The following ARHGAP15 variants were observed in gnomAD, a reference collection of about 807,000 sequenced individuals.
The protein encoded by ARHGAP15 is rho GTPase-activating protein 15.
In ARHGAP15, 51 loss-of-function variants were observed where a neutral mutation model predicts 63.7. That is an observed-to-expected ratio of 0.80 (90% CI 0.64 to 1.01). ARHGAP15 has a LOEUF of 1.01. Ranked by LOEUF, ARHGAP15 falls within the 50% of genes least tolerant of loss-of-function variation. ARHGAP15 has a pLI of 0.00. For missense variants in ARHGAP15, 560 were observed against 564.6 expected (o/e 0.99, Z 0.08); for synonymous variants, 191 against 193.8 (o/e 0.99, Z 0.12).
chr2:143,281,604 T>C (rs1051200807), intron 6 of ARHGAP15, among the ~76,000 whole-genome samples: 2 of 152,106 alleles, frequency 1.3e-5, no homozygotes, highest in Non-Finnish European at 2.9e-5. Context: ...AAGAACCCAA[T>C]CTCTCAGATG....
chr2:143,709,169 T>C (rs1016661013), intron 13 of ARHGAP15, among the ~76,000 whole-genome samples: 2 of 152,182 alleles, frequency 1.3e-5, no homozygotes, highest in African/African-American at 4.8e-5. Context: ...ATAAATAAAG[T>C]CTTTCCACAG....
At chr2:143,721,430 C>G (rs531971257) in intron 13 of ARHGAP15, among the ~76,000 whole-genome samples, 1 of 152,236 alleles carries the variant, frequency 6.6e-6, no homozygotes, top group South Asian at 2.1e-4. Context: ...AGAACATGGT[C>G]TCTGAATGTG....
At chr2:143,258,501 T>G (rs111999371) in intron 6 of ARHGAP15, among the ~76,000 whole-genome samples, 21 of 152,204 alleles carry the variant, frequency 1.4e-4, no homozygotes, top group African/African-American at 4.6e-4. Flanking sequence ...AGTCTCTCAA[T>G]GTAAGAGTTA....
At chr2:143,526,991 G>A (rs1376219766) in intron 10 of ARHGAP15, among the ~76,000 whole-genome samples, 2 of 151,882 alleles carry the variant, frequency 1.3e-5, no homozygotes, top group African/African-American at 2.4e-5. Flanking sequence ...ATTTCCCTAG[G>A]GTTTAAAAAT....
At chr2:143,484,347 CAGAG>C (rs942912223) in intron 8 of ARHGAP15, among the ~76,000 whole-genome samples, 3 of 130,682 alleles carry the variant, frequency 2.3e-5, no homozygotes, top group Non-Finnish European at 4.7e-5. Flanking sequence ...GCGTGGGCAA[CAGAG>C]AGAGACTCCA....
intron 6 of ARHGAP15, among the ~76,000 whole-genome samples, chr2:143,414,394 T>C (rs546172471): frequency 6.6e-6 from 1 of 152,130 alleles, no homozygotes; most frequent in African/African-American, 2.4e-5. Context: ...AGAAATGTCT[T>C]ACAAAAAGTA....
At chr2:143,323,490 G>A (rs1036367760) in intron 6 of ARHGAP15, among the ~76,000 whole-genome samples, 8 of 152,090 alleles carry the variant, frequency 5.3e-5, no homozygotes, top group South Asian at 2.1e-4. Context: ...TAAACACTTC[G>A]GACAGGGATG....
chr2:143,330,750 G>T (rs1333559803), intron 6 of ARHGAP15, among the ~76,000 whole-genome samples: 1 of 152,134 alleles, frequency 6.6e-6, no homozygotes, highest in Admixed American at 6.5e-5. Flanking sequence ...ATATACACAG[G>T]ATGAGTTGTA....
chr2:143,604,375 G>A lies in ARHGAP15; in HGVS notation c.1004-19758G>A, dbSNP rs375741683. ...TTTGTGTGTGTGCACTGTTCTTCAC[G>A]CATCTGAAGCAGAGGAGTCGTCACA... On this transcript the variant is annotated intron_variant, in intron 11 of 13. Transcript: ENST00000295095. Among the ~76,000 whole-genome samples the A allele has an allele frequency of 2.2e-4, 33 of 152,292 alleles. No homozygotes were observed. In the East Asian group the frequency reaches 4.6e-3, roughly 21 times the overall value.
At chr2:143,367,626 A>G (rs1268793606) in intron 6 of ARHGAP15, among the ~76,000 whole-genome samples, 1 of 151,794 alleles carries the variant, frequency 6.6e-6, no homozygotes, top group African/African-American at 2.4e-5. Flanking sequence ...TTTTCTTTAT[A>G]TATTTCTTCT....
At chr2:143,659,415 TA>T (rs948884547) in intron 12 of ARHGAP15, among the ~76,000 whole-genome samples, 1 of 151,948 alleles carries the variant, frequency 6.6e-6, no homozygotes, top group Non-Finnish European at 1.5e-5. Context: ...TAAATTTTTT[TA>T]AAAAAAATTC....
chr2:143,407,993 A>ATATG (rs1688278313), intron 6 of ARHGAP15, among the ~76,000 whole-genome samples: 1 of 56,620 alleles, frequency 1.8e-5, no homozygotes, highest in African/African-American at 9.1e-5. Context: ...GTGTGTATAT[A>ATATG]TATATATATA....
intron 8 of ARHGAP15, among the ~76,000 whole-genome samples, chr2:143,442,009 C>T (rs1188301496): frequency 6.6e-6 from 1 of 151,850 alleles, no homozygotes; most frequent in East Asian, 1.9e-4. Context: ...AATAAGACAA[C>T]AGAAAGAAAA....
chr2:143,171,149 T>C (rs1690764913), intron 2 of ARHGAP15, among the ~76,000 whole-genome samples: 1 of 152,090 alleles, frequency 6.6e-6, no homozygotes, highest in Admixed American at 6.6e-5. Flanking sequence ...AGAAAAATAA[T>C]AGTTCAGCTA....
chr2:143,552,726 T>A (rs1279897810), intron 10 of ARHGAP15, among the ~76,000 whole-genome samples: 1 of 152,236 alleles, frequency 6.6e-6, no homozygotes, highest in East Asian at 1.9e-4. Flanking sequence ...TTTTTCATAC[T>A]ACCATTAATG....
chr2:143,537,123 G>A (rs1694808488), intron 10 of ARHGAP15, among the ~76,000 whole-genome samples: 1 of 152,160 alleles, frequency 6.6e-6, no homozygotes, highest in African/African-American at 2.4e-5. Flanking sequence ...TCTGATGGCT[G>A]GCCAGTGATG....
At chr2:143,720,756 C>T (rs768392525) in intron 13 of ARHGAP15, among the ~76,000 whole-genome samples, 26 of 152,158 alleles carry the variant, frequency 1.7e-4, no homozygotes, top group Non-Finnish European at 3.4e-4. Context: ...AACCAAATTA[C>T]CTAGCAATCT....
intron 10 of ARHGAP15, among the ~76,000 whole-genome samples, chr2:143,538,628 T>G (rs1261715000): frequency 6.6e-6 from 1 of 152,210 alleles, no homozygotes; most frequent in Non-Finnish European, 1.5e-5. Flanking sequence ...TCTGCATCTA[T>G]TGAGATAATC....
chr2:143,381,988 T>C (rs1687072242), intron 6 of ARHGAP15, among the ~76,000 whole-genome samples: 1 of 152,092 alleles, frequency 6.6e-6, no homozygotes, highest in African/African-American at 2.4e-5. Flanking sequence ...ACAATTTTCA[T>C]CTAGGTGGTT....
Sources: gnomAD v4.1 joint callset for allele counts (sites outside exome capture counted in the v4.1 genomes callset) on GRCh38, gnomAD v4.1.1 for gene constraint, MANE v1.5 for transcripts, NCBI Gene and HGNC (gene_info 2026-07-23, HGNC 2026-07-21) for gene names.